KLF8: variants seen among roughly 807,000 people sequenced by gnomAD.
The protein encoded by KLF8 is Krueppel-like factor 8.
KLF8 carries 10 observed loss-of-function variants against 18.2 expected under a neutral mutation model. The ratio of observed to expected loss-of-function variants is 0.55; its 90% confidence interval spans 0.34 to 0.93. The LOEUF (loss-of-function observed/expected upper bound fraction) is 0.93, where lower values mean the gene tolerates loss of function less well. Ranked by LOEUF, KLF8 falls within the 40% of genes least tolerant of loss-of-function variation. The pLI is 0.02. For missense variants in KLF8, 264 were observed against 277.9 expected, an observed-to-expected ratio of 0.95 and a Z score of 0.36; for synonymous variants, 109 against 97.3, an observed-to-expected ratio of 1.12 and a Z score of -0.71.
At chrX:56,039,123 G>T in the KLF8 span, among the ~76,000 whole-genome samples, 2 of 111,672 alleles carry the variant, frequency 1.8e-5, no homozygotes, top group Admixed American at 9.5e-5. Flanking sequence ...TTTGTCAGAG[G>T]GATACATTGC....
chrX:55,958,526 T>A, the KLF8 span, among the ~76,000 whole-genome samples: 2 of 112,168 alleles, frequency 1.8e-5, no homozygotes, highest in Non-Finnish European at 3.8e-5. Flanking sequence ...TTTTGTTCCC[T>A]ATACCCAAAT....
the KLF8 span, among the ~76,000 whole-genome samples, chrX:56,220,617 T>A: frequency 1.8e-5 from 2 of 111,096 alleles, no homozygotes; most frequent in African/African-American, 6.5e-5. Context: ...TCCCGAGTAG[T>A]TGGGACTACA....
At chrX:56,212,775 T>G in the KLF8 span, among the ~76,000 whole-genome samples, 1 of 111,825 alleles carries the variant, frequency 8.9e-6, no homozygotes, top group Non-Finnish European at 1.9e-5. Context: ...CTCACTTGAT[T>G]TTTGCTCCAT....
chrX:55,958,841 C>T, the KLF8 span, among the ~76,000 whole-genome samples: 1 of 112,488 alleles, frequency 8.9e-6, no homozygotes, highest in Non-Finnish European at 1.9e-5. Flanking sequence ...GGCACACCCA[C>T]CACTGTCCCT....
the KLF8 span, among the ~76,000 whole-genome samples, chrX:56,214,947 G>C: frequency 8.9e-6 from 1 of 112,004 alleles, no homozygotes; most frequent in Admixed American, 9.4e-5. Flanking sequence ...ACACATAACA[G>C]GTGTTATGCT....
the KLF8 span, among the ~76,000 whole-genome samples, chrX:55,987,894 T>C: frequency 8.9e-6 from 1 of 112,024 alleles, no homozygotes. Flanking sequence ...ATCGCCATTC[T>C]AACTGGTGTG....
chrX:56,059,817 G>T, the KLF8 span, among the ~76,000 whole-genome samples: 1 of 111,591 alleles, frequency 9.0e-6, no homozygotes. Flanking sequence ...TTTTGCTTAG[G>T]ATTGTCTTGG....
the KLF8 span, among the ~76,000 whole-genome samples, chrX:56,063,542 C>T: frequency 1.8e-5 from 2 of 111,575 alleles, no homozygotes; most frequent in Non-Finnish European, 3.8e-5. Context: ...GAAGCTTTGT[C>T]CCAGAGGGGC....
the KLF8 span, among the ~76,000 whole-genome samples, chrX:55,956,486 G>A: frequency 2.3e-3 from 252 of 111,402 alleles, 1 homozygote; most frequent in African/African-American, 7.9e-3. Context: ...GCTGTTTTCC[G>A]TAAGGCTTGT....
chrX:55,969,721 C>A, the KLF8 span, among the ~76,000 whole-genome samples: 3 of 111,231 alleles, frequency 2.7e-5, no homozygotes, highest in Non-Finnish European at 5.7e-5. Flanking sequence ...AGAGAGAAGA[C>A]CCAAATAAAT....
At chrX:56,222,736 G>A in the KLF8 span, among the ~76,000 whole-genome samples, 2 of 113,072 alleles carry the variant, frequency 1.8e-5, no homozygotes, top group Non-Finnish European at 3.8e-5. Context: ...CCAGAACCCT[G>A]CCCCCGGGGA....
At chrX:55,940,585 AT>A in the KLF8 span, among the ~76,000 whole-genome samples, 1 of 111,944 alleles carries the variant, frequency 8.9e-6, no homozygotes, top group South Asian at 3.8e-4. Flanking sequence ...AGGAAGTCAA[AT>A]TGTCCCTGTT....
the KLF8 span, among the ~76,000 whole-genome samples, chrX:55,941,079 C>T: frequency 1.8e-5 from 2 of 110,051 alleles, no homozygotes; most frequent in Admixed American, 1.9e-4. Context: ...CAATCCTAAG[C>T]CAAAAGAACA....
intron 5 of KLF8, among the ~76,000 whole-genome samples, chrX:56,274,048 A>T (rs1206368912): frequency 8.9e-6 from 1 of 111,887 alleles, no homozygotes; most frequent in Non-Finnish European, 1.9e-5. Flanking sequence ...CAGCAGTGGG[A>T]TTACTGGATC....
chrX:56,144,014 G>A, the KLF8 span, among the ~76,000 whole-genome samples: 2 of 111,680 alleles, frequency 1.8e-5, no homozygotes, highest in African/African-American at 6.5e-5. Flanking sequence ...AAGGGATTTC[G>A]TTCAATCACT....
chrX:56,203,129 G>C, the KLF8 span, among the ~76,000 whole-genome samples: 6 of 111,962 alleles, frequency 5.4e-5, no homozygotes, highest in African/African-American at 1.6e-4. Flanking sequence ...TTTAACTGGA[G>C]TGGATGACAT....
chrX:56,037,352 C>T, the KLF8 span, among the ~76,000 whole-genome samples: 13 of 110,029 alleles, frequency 1.2e-4, no homozygotes, highest in African/African-American at 4.1e-4. Context: ...CTGTGTTCGT[C>T]AGGAAGATTG....
the KLF8 span, among the ~76,000 whole-genome samples, chrX:56,165,648 T>C: frequency 2.7e-5 from 3 of 111,627 alleles, no homozygotes; most frequent in South Asian, 1.1e-3. Flanking sequence ...GAGGATTGCT[T>C]GAGGGCAGGA....
At chrX:56,278,921 G>T (rs1290978589) in intron 5 of KLF8, among the ~76,000 whole-genome samples, 2 of 111,376 alleles carry the variant, frequency 1.8e-5, no homozygotes, top group Non-Finnish European at 3.8e-5. Flanking sequence ...GCATAGTTTT[G>T]CTTTCTGCTG....
Sources: gnomAD v4.1 joint callset for allele counts (sites outside exome capture counted in the v4.1 genomes callset) on GRCh38, gnomAD v4.1.1 for gene constraint, MANE v1.5 for transcripts, NCBI Gene and HGNC (gene_info 2026-07-23, HGNC 2026-07-21) for gene names.